The following COL6A5 variants were observed in gnomAD, a reference collection of about 807,000 sequenced individuals.
COL6A5 encodes collagen type VI alpha 5 chain.
Under a neutral mutation model 65.6 loss-of-function variants are expected in COL6A5, and 48 were observed. The observed-to-expected ratio is 0.73, with a 90% CI of 0.58 to 0.93. COL6A5 has a LOEUF of 0.93. COL6A5 is among the 40% of genes least tolerant of loss of function. COL6A5 has a pLI of 0.00. For missense variants in COL6A5, 914 were observed against 928.3 expected (o/e 0.98, Z 0.20); for synonymous variants, 291 against 322.8 (o/e 0.90, Z 1.05).
chr3:130,397,088 C>T (rs1480021599), intron 8 of COL6A5, among the ~76,000 whole-genome samples: 2 of 152,052 alleles, frequency 1.3e-5, no homozygotes, highest in Non-Finnish European at 2.9e-5. Context: ...AGGATGGTCT[C>T]GATCTCCTGA....
intron 5 of COL6A5, among the ~76,000 whole-genome samples, chr3:130,465,359 G>A (rs1403259338): frequency 6.6e-6 from 1 of 152,072 alleles, no homozygotes; most frequent in Non-Finnish European, 1.5e-5. Context: ...GCATGTGAAG[G>A]AATTACCTGA....
At chr3:130,401,700 A>T (rs1438831483) in intron 11 of COL6A5, 62 bp from the exon 12 acceptor site, 2 of 1,250,984 alleles carry the variant, frequency 1.6e-6, no homozygotes, top group Admixed American at 2.0e-5. Context: ...TATGAGTACA[A>T]TTCTTATGGA....
intron 7 of COL6A5, among the ~76,000 whole-genome samples, chr3:130,477,837 A>C (rs1710137081): frequency 6.6e-6 from 1 of 152,136 alleles, no homozygotes; most frequent in Admixed American, 6.6e-5. Context: ...ACTGATAAGT[A>C]GATATGGGTT....
intron 5 of COL6A5, among the ~76,000 whole-genome samples, chr3:130,459,679 A>G (rs1709660579): frequency 6.6e-6 from 1 of 152,088 alleles, no homozygotes; most frequent in Admixed American, 6.6e-5. Flanking sequence ...CTCTACTTCT[A>G]CACCCTGTCT....
chr3:130,482,809 C>G (rs552433018), intron 7 of COL6A5, among the ~76,000 whole-genome samples: 1 of 152,056 alleles, frequency 6.6e-6, no homozygotes, highest in African/African-American at 2.4e-5. Context: ...TTGTAGCAAT[C>G]GTGAATGTGA....
intron 11 of COL6A5, among the ~76,000 whole-genome samples, chr3:130,401,522 C>G (rs974889781): frequency 1.3e-5 from 2 of 152,228 alleles, no homozygotes; most frequent in African/African-American, 4.8e-5. Flanking sequence ...CATCCACATA[C>G]TGGATGCCCT....
chr3:130,366,411 G>A (rs1219458769), intron 1 of COL6A5, among the ~76,000 whole-genome samples: 2 of 152,144 alleles, frequency 1.3e-5, no homozygotes, highest in East Asian at 3.9e-4. Flanking sequence ...TTGTAGGGCT[G>A]GACCTGCTCA....
rs1448918379 is a variant in COL6A5 at position 130,455,111 on chromosome 3, G to A, written c.1333-344G>A. Among the ~76,000 whole-genome samples the A allele has an allele frequency of 2.6e-5, 4 of 151,224 alleles. 1 individual carries two copies. In the South Asian group the frequency reaches 8.3e-4, roughly 32 times the overall value. ...GCTGTGATTGCACCGCTGCATTCCA[G>A]CCTGGGTGACCCTGTCTCAAAAGAG... On this transcript the variant is annotated intron_variant, in intron 4 of 7. Transcript: ENST00000512836.
chr3:130,362,322 A>AT (rs1935163285), intron 1 of COL6A5, among the ~76,000 whole-genome samples: 1 of 2,706 alleles, frequency 3.7e-4, no homozygotes, highest in African/African-American at 1.0e-3. Context: ...ATATATATAT[A>AT]TATATTTTTT....
rs959694263 is a variant in COL6A5, at chr3:130,398,129, T to G, written c.3991+18T>G. On this transcript the variant is annotated intron_variant and NMD_transcript_variant, in intron 10 of 41. Coordinates refer to the COL6A5 transcript ENST00000312481. ...AGAAGCAGGTATTGAGTTGTTGTTG[T>G]TTTTTTTTTTTTTTTTTTTGAGATG... The G allele has an allele frequency of 2.7e-6, 1 of 366,164 alleles. No homozygotes were observed. Among genetic ancestry groups the G allele is most frequent in the Non-Finnish European group, 4.1e-6 (1 of 246,046 alleles). 22.7% of individuals were successfully genotyped at this position (366,164 alleles called of 1,614,324 possible).
At chr3:130,395,209 T>C (rs1184350432) in exon 8 of COL6A5, 1 of 1,551,470 alleles carries the variant, frequency 6.4e-7, no homozygotes, top group African/African-American at 1.4e-5. Context: ...GGAGAAGAAA[T>C]GCTGGTGTCC....
rs186846094 is a variant in COL6A5, at chr3:130,417,600, C to A, written c.4887+781C>A. ...GATGGGTGGCATCAGAACTCAAATC[C>A]GTTGGTGCATGTGGTTCTCGAACCA... On this transcript the variant is annotated intron_variant and NMD_transcript_variant, in intron 24 of 41. Transcript: ENST00000312481. Among the ~76,000 whole-genome samples, 3 of 152,064 alleles carry A rather than the reference C, an allele frequency of 2.0e-5. No homozygotes were observed. In the East Asian group the frequency reaches 5.8e-4, roughly 29 times the overall value.
chr3:130,405,050 G>A (rs77603357), intron 13 of COL6A5, among the ~76,000 whole-genome samples: 2,747 of 152,306 alleles, frequency 0.018, 65 homozygotes, highest in East Asian at 0.091. Context: ...GACCTTCAGT[G>A]CTCACCCCTG....
intron 5 of COL6A5, among the ~76,000 whole-genome samples, chr3:130,459,562 GA>G (rs1383196101): frequency 6.6e-6 from 1 of 151,990 alleles, no homozygotes; most frequent in African/African-American, 2.4e-5. Context: ...CAGTGTACAG[GA>G]CAGCCCCTCA....
chr3:130,464,428 C>A (rs924982666), intron 5 of COL6A5, among the ~76,000 whole-genome samples: 1 of 152,088 alleles, frequency 6.6e-6, no homozygotes, highest in Non-Finnish European at 1.5e-5. Flanking sequence ...CCACCACACC[C>A]AGCAATGCTT....
Position 130,416,743 on chromosome 3 carries a change from A to G in COL6A5, c.4825-14A>G. On this transcript the variant is annotated splice_polypyrimidine_tract_variant and intron_variant and NMD_transcript_variant, in intron 23 of 41. Coordinates refer to the COL6A5 transcript ENST00000312481. ...CTACGGTGCCAACATTTTAGTCTCT[A>G]ATTTTTTTTTCAGGGTTCTCCTGGG... 1 of 1,493,260 alleles carries G rather than the reference A, an allele frequency of 6.7e-7. No individual in the cohort carries two copies. The highest frequency in any genetic ancestry group is 9.1e-7 in the Non-Finnish European group (1 of 1,103,556). 92.5% of individuals were successfully genotyped at this position (1,493,260 alleles called of 1,614,324 possible). A position where few individuals can be genotyped will look rare whatever the true frequency, so the allele number is the denominator to read the frequency against.
At chr3:130,357,045 G>A (rs1401942906) in intron 1 of COL6A5, among the ~76,000 whole-genome samples, 1 of 152,142 alleles carries the variant, frequency 6.6e-6, no homozygotes, top group East Asian at 1.9e-4. Flanking sequence ...AATGAAAAAT[G>A]TCTTTTGGGA....
At chr3:130,359,107 G>T (rs1166649579) in intron 1 of COL6A5, among the ~76,000 whole-genome samples, 1 of 152,092 alleles carries the variant, frequency 6.6e-6, no homozygotes, top group African/African-American at 2.4e-5. Flanking sequence ...AATTTTTAAG[G>T]ACTTTCAAAT....
At chr3:130,455,766 G>A in intron 5 of COL6A5, 100 bp downstream of exon 37, 1 of 950,994 alleles carries the variant, frequency 1.1e-6, no homozygotes, top group Admixed American at 2.7e-5. Context: ...GGTATCTAAA[G>A]CAACTTTTTT....
Sources: allele counts gnomAD v4.1 joint callset (sites outside exome capture counted in the v4.1 genomes callset), GRCh38; gene constraint gnomAD v4.1.1; transcripts MANE v1.5; gene names NCBI Gene and HGNC (gene_info 2026-07-23, HGNC 2026-07-21).